Variants in DGKI observed in about 807,000 individuals in gnomAD.
The protein encoded by DGKI is DAG kinase iota.
DGKI carries 55 observed loss-of-function variants against 147.5 expected under a neutral mutation model. The observed-to-expected ratio is 0.37, with a 90% CI of 0.30 to 0.47. The LOEUF (loss-of-function observed/expected upper bound fraction) is 0.47. Ranked by LOEUF, DGKI falls within the 20% of genes least tolerant of loss-of-function variation. DGKI has a pLI of 1.00. For missense variants in DGKI, 1,007 were observed against 1,323.8 expected, an observed-to-expected ratio of 0.76 and a Z score of 3.71; for synonymous variants, 469 against 477.1, an observed-to-expected ratio of 0.98 and a Z score of 0.22.
chr7:137,791,201 C>G (rs964084614), intron 1 of DGKI, among the ~76,000 whole-genome samples: 1 of 152,142 alleles, frequency 6.6e-6, no homozygotes, highest in Non-Finnish European at 1.5e-5. Flanking sequence ...CTTATCCACT[C>G]TATTTCTCCT....
chr7:137,574,990 T>C (rs1818921282), intron 17 of DGKI, among the ~76,000 whole-genome samples: 1 of 152,220 alleles, frequency 6.6e-6, no homozygotes, highest in African/African-American at 2.4e-5. Context: ...TCCATCCTTT[T>C]CATCTCACAC....
At chr7:137,644,027 C>A (rs908712399) in intron 6 of DGKI, among the ~76,000 whole-genome samples, 2 of 152,274 alleles carry the variant, frequency 1.3e-5, no homozygotes, top group South Asian at 4.1e-4. Flanking sequence ...CACACACACA[C>A]ATGCACACTT....
intron 28 of DGKI, among the ~76,000 whole-genome samples, chr7:137,436,274 T>C (rs1056289589): frequency 6.6e-6 from 1 of 152,158 alleles, no homozygotes; most frequent in Admixed American, 6.5e-5. Flanking sequence ...ATCCAAAATA[T>C]ATCTTTGAAT....
intron 1 of DGKI, among the ~76,000 whole-genome samples, chr7:137,715,841 G>T (rs951352495): frequency 5.3e-5 from 8 of 152,116 alleles, no homozygotes; most frequent in Non-Finnish European, 1.0e-4. Flanking sequence ...AGAGAAGTAG[G>T]GAAGTCTTCA....
At chr7:137,402,808 C>T (rs1811809501) in intron 30 of DGKI, among the ~76,000 whole-genome samples, 1 of 151,870 alleles carries the variant, frequency 6.6e-6, no homozygotes, top group African/African-American at 2.4e-5. Context: ...TCATCCTGTC[C>T]CAGCAGGATG....
intron 1 of DGKI, among the ~76,000 whole-genome samples, chr7:137,813,125 A>C (rs1797641328): frequency 6.6e-6 from 1 of 152,194 alleles, no homozygotes; most frequent in South Asian, 2.1e-4. Context: ...GGCAGGGTCC[A>C]CCCACACAGG....
rs1454210749 is a variant in DGKI at position 137,636,256 on chromosome 7, C to T, written c.804+9216G>A. ...CCGCCTACCAGGTAGGTCACCTAGACCAGAGGCACTAGTTGAGAGTGAGGT... is the reference window on the plus strand; with the variant it reads ...CCGCCTACCAGGTAGGTCACCTAGATCAGAGGCACTAGTTGAGAGTGAGGT... On this transcript the variant is annotated intron_variant, in intron 6 of 32. Coordinates refer to ENST00000614521, the MANE Select transcript of DGKI (RefSeq NM_001321708.2). Among the ~76,000 whole-genome samples, 12 of 152,264 alleles carry T rather than the reference C, an allele frequency of 7.9e-5. No individual in the cohort carries two copies. The South Asian group carries it at 1.9e-3, about 24-fold the overall frequency.
chr7:137,423,480 T>C (rs1345803582), intron 28 of DGKI, among the ~76,000 whole-genome samples: 1 of 152,172 alleles, frequency 6.6e-6, no homozygotes, highest in Non-Finnish European at 1.5e-5. Context: ...TAATGGATGG[T>C]TACTGGTTTT....
chr7:137,809,146 T>C (rs1252669413), intron 1 of DGKI, among the ~76,000 whole-genome samples: 1 of 152,132 alleles, frequency 6.6e-6, no homozygotes, highest in African/African-American at 2.4e-5. Flanking sequence ...CTTTATCCTC[T>C]AGGCAGTGGA....
intron 1 of DGKI, chr7:137,771,814 T>A (rs546800313): frequency 7.2e-5 from 11 of 152,258 alleles, no homozygotes; most frequent in African/African-American, 2.6e-4. Flanking sequence ...GGACTCAGCC[T>A]GTGAGGGAAG....
chr7:137,748,417 A>C (rs781239100), intron 1 of DGKI, among the ~76,000 whole-genome samples: 2 of 152,166 alleles, frequency 1.3e-5, no homozygotes, highest in Non-Finnish European at 2.9e-5. Flanking sequence ...TAAAGATATA[A>C]AAGTAATCAT....
In DGKI at chr7:137,787,996, T is replaced by C. The variant is rs1018694480; in HGVS notation, c.401+58466A>G. On this transcript the variant is annotated intron_variant, in intron 1 of 32. Coordinates refer to ENST00000614521, the MANE Select transcript of DGKI (RefSeq NM_001321708.2). ...TCAGAAATCACCCCTAAAGAACTTA[T>C]TCATGTAACCAAACACCACCTGTTC... Among the ~76,000 whole-genome samples the C allele has an allele frequency of 5.0e-4, 76 of 152,070 alleles. 4 individuals carry two copies.
At chr7:137,607,157 A>G (rs113113281) in intron 10 of DGKI, among the ~76,000 whole-genome samples, 50 of 152,324 alleles carry the variant, frequency 3.3e-4, no homozygotes, top group African/African-American at 1.2e-3. Flanking sequence ...TCTCCTCTGC[A>G]TAACTAAGTA....
chr7:137,746,875 G>A (rs1322892312), intron 1 of DGKI, among the ~76,000 whole-genome samples: 7 of 152,070 alleles, frequency 4.6e-5, no homozygotes, highest in Non-Finnish European at 1.0e-4. Flanking sequence ...ACCAATGGGG[G>A]ACAGATAGGC....
chr7:137,667,461 TA>T (rs1822678955), intron 3 of DGKI, among the ~76,000 whole-genome samples: 1 of 152,146 alleles, frequency 6.6e-6, no homozygotes, highest in South Asian at 2.1e-4. Context: ...TAGTATAAAC[TA>T]GGAAATCCCA....
Position 137,660,831 on chromosome 7 carries a change from G to C in DGKI, c.607-4291C>G, listed in dbSNP as rs574411456. On this transcript the variant is annotated intron_variant, in intron 3 of 32. Coordinates refer to ENST00000614521, the MANE Select transcript of DGKI (RefSeq NM_001321708.2). ...TGATGAAAAATAAAGATGAAAAAGA[G>C]GGAAGGGGAAAAGACGGGAAAGGGT... Among the ~76,000 whole-genome samples, 4 of 152,082 alleles carry C rather than the reference G, an allele frequency of 2.6e-5. No homozygotes were observed. In the East Asian group the frequency reaches 7.7e-4, roughly 29 times the overall value.
chr7:137,577,088 T>C, intron 17 of DGKI, 134 bp downstream of exon 17: 1 of 698,850 alleles, frequency 1.4e-6, no homozygotes. Context: ...AAGTGTAGGT[T>C]GAATGAACTA....
intron 1 of DGKI, among the ~76,000 whole-genome samples, chr7:137,781,274 G>A (rs1796512091): frequency 6.6e-6 from 1 of 152,142 alleles, no homozygotes; most frequent in Admixed American, 6.5e-5. Flanking sequence ...TAGCCCAGTA[G>A]CAACGCATTG....
intron 20 of DGKI, among the ~76,000 whole-genome samples, chr7:137,530,963 T>C (rs559363779): frequency 6.6e-6 from 1 of 152,302 alleles, no homozygotes; most frequent in Admixed American, 6.5e-5. Flanking sequence ...GAAGATGCCG[T>C]CTTCTGCCCT....
Sources: gnomAD v4.1 joint callset for allele counts (sites outside exome capture counted in the v4.1 genomes callset) on GRCh38, gnomAD v4.1.1 for gene constraint, MANE v1.5 for transcripts, NCBI Gene and HGNC (gene_info 2026-07-23, HGNC 2026-07-21) for gene names.